The following AHCY variants were observed in gnomAD, a reference collection of about 807,000 sequenced individuals.
AHCY encodes the protein adenosylhomocysteinase.
A neutral mutation model predicts 45.4 loss-of-function variants in AHCY; 24 were observed. The observed-to-expected ratio is 0.53, with a 90% CI of 0.38 to 0.74. The LOEUF is 0.74. AHCY is among the 30% of genes least tolerant of loss of function. AHCY has a pLI of 0.00. For missense variants in AHCY, 449 were observed against 594.1 expected (o/e 0.76, Z 2.54); for synonymous variants, 245 against 235.1 (o/e 1.04, Z -0.39).
At chr20:34,285,367 TCTGG>T in intron 9 of AHCY, 69 bp downstream of exon 9, 2 of 1,567,174 alleles carry the variant, frequency 1.3e-6, no homozygotes, top group Non-Finnish European at 1.8e-6. Context: ...CTTTATAAAC[TCTGG>T]CAAGCCCTGT....
chr20:34,232,138 T>C, the AHCY span, among the ~76,000 whole-genome samples: 1 of 152,242 alleles, frequency 6.6e-6, no homozygotes, highest in Non-Finnish European at 1.5e-5. Context: ...AGCACTGAGT[T>C]TGGGGAACCC....
chr20:34,265,493 C>T, the AHCY span, among the ~76,000 whole-genome samples: 4 of 151,810 alleles, frequency 2.6e-5, no homozygotes, highest in Non-Finnish European at 5.9e-5. Context: ...CACTGCACTC[C>T]AGCCTGGGCA....
At chr20:34,287,867 T>C (rs1156467659) in intron 8 of AHCY, among the ~76,000 whole-genome samples, 1 of 151,984 alleles carries the variant, frequency 6.6e-6, no homozygotes, top group African/African-American at 2.4e-5. Flanking sequence ...GGACAAGAGA[T>C]AATGTTGGGC....
the AHCY span, among the ~76,000 whole-genome samples, chr20:34,264,117 C>T: frequency 6.6e-6 from 1 of 152,164 alleles, no homozygotes; most frequent in East Asian, 1.9e-4. Context: ...TTATCACTTG[C>T]TATCATACAA....
rs1157512708 is a variant in AHCY, at chr20:34,292,418, G to C, written c.385C>G (p.Leu129Val). 1.9e-6 allele frequency: 3 copies of C among 1,614,002 alleles called. No individual in the cohort carries two copies. The Admixed American group carries it at 5.0e-5, about 27-fold the overall frequency. ...YFKDGPLNMI[L>V]DDGGDLTNLI... ...TTGGTGAGGTCGCCCCCGTCGTCCA[G>C]AATCATGTTGAGGGGCCCGTCCTTG... Residue 129 changes from leucine to valine, a missense_variant, in exon 4 of 10, where the codon CTG (leucine) becomes GTG (valine). Leu to Val is a conservative substitution (Grantham distance 32). Coordinates refer to ENST00000217426, the MANE Select transcript of AHCY (RefSeq NM_000687.4).
At chr20:34,234,960 T>G in the AHCY span, 1 of 152,258 alleles carries the variant, frequency 6.6e-6, no homozygotes. Context: ...GTTGTTTTTT[T>G]CATCATAGCT....
chr20:34,238,208 TAATC>T, the AHCY span, among the ~76,000 whole-genome samples: 1 of 152,210 alleles, frequency 6.6e-6, no homozygotes, highest in Non-Finnish European at 1.5e-5. Context: ...TTGGAAGTCT[TAATC>T]AATGTTTCTT....
At chr20:34,269,574 G>A in the AHCY span, among the ~76,000 whole-genome samples, 1 of 151,972 alleles carries the variant, frequency 6.6e-6, no homozygotes, top group African/African-American at 2.4e-5. Flanking sequence ...GACCAGCCAG[G>A]AAGAAAGGAA....
At chr20:34,277,214 G>A (rs547799172), downstream of AHCY, among the ~76,000 whole-genome samples, 1 of 152,194 alleles carries the variant, frequency 6.6e-6, no homozygotes, top group East Asian at 1.9e-4. Flanking sequence ...GTGGGCATGG[G>A]GCTTGGTGTG....
At chr20:34,282,785 G>A (rs2036045645) in intron 9 of AHCY, among the ~76,000 whole-genome samples, 1 of 152,114 alleles carries the variant, frequency 6.6e-6, no homozygotes, top group South Asian at 2.1e-4. Context: ...AACCGAGGAG[G>A]ACAGAGGCAA....
Position 34,280,991 on chromosome 20 carries a change from T to G in AHCY, c.*43A>C. Reference sequence around the variant, plus strand: ...GCTCTTAGGGAGGAGAGGTGGGGCCTGGGCAAGGACAGCAGCTGGAGGGTG... The same window carrying G: ...GCTCTTAGGGAGGAGAGGTGGGGCCGGGGCAAGGACAGCAGCTGGAGGGTG... On this transcript the variant is annotated 3_prime_UTR_variant, in exon 10 of 10. Transcript: ENST00000217426. 6.2e-7 allele frequency: 1 copy of G among 1,613,026 alleles called. No homozygotes were observed.
chr20:34,242,188 A>T, the AHCY span, among the ~76,000 whole-genome samples: 1 of 151,492 alleles, frequency 6.6e-6, no homozygotes, highest in Non-Finnish European at 1.5e-5. Context: ...TTTCCTTTTT[A>T]AAATTTTTAT....
downstream of AHCY, among the ~76,000 whole-genome samples, chr20:34,275,383 C>T (rs1004149312): frequency 3.9e-5 from 6 of 151,940 alleles, no homozygotes; most frequent in Non-Finnish European, 7.4e-5. Flanking sequence ...CTGCCTGCCT[C>T]GGCCTCCCAA....
At position 34,303,174 on chromosome 20, in the gene AHCY, G is replaced by A. The variant is rs1277751888; in HGVS notation, c.28+69C>T. 8 of 1,547,784 alleles carry A rather than the reference G, an allele frequency of 5.2e-6. No homozygotes were observed. The East Asian group carries it at 2.0e-4, about 38-fold the overall frequency. The stretch of plus-strand genomic sequence containing the variant: ...CAGAGAGCCCCGAGTCGGCCCTGCA[G>A]CCCCCGCCACGAACAAGCCCCGGGC... On this transcript the variant is annotated intron_variant, in intron 1 of 9. Transcript: ENST00000217426.
At chr20:34,238,562 G>GT in the AHCY span, among the ~76,000 whole-genome samples, 8 of 151,616 alleles carry the variant, frequency 5.3e-5, no homozygotes, top group Non-Finnish European at 7.4e-5. Flanking sequence ...GCTTGTACTT[G>GT]TTTTTTTCAC....
At chr20:34,260,238 C>G in the AHCY span, 5 of 921,814 alleles carry the variant, frequency 5.4e-6, no homozygotes, top group Non-Finnish European at 8.1e-6. Context: ...TGCTAATCCT[C>G]CAGCTCCACC....
At chr20:34,303,460 G>A (rs2036852455), upstream of AHCY, 2 of 809,154 alleles carry the variant, frequency 2.5e-6, no homozygotes, top group South Asian at 1.7e-5. Context: ...AGGGGATTTC[G>A]ATCCCTGAAA....
At chr20:34,291,164 T>C (rs999770039) in intron 5 of AHCY, among the ~76,000 whole-genome samples, 1 of 152,234 alleles carries the variant, frequency 6.6e-6, no homozygotes, top group South Asian at 2.1e-4. Flanking sequence ...TTCCTAGGCA[T>C]CAGTTACTAG....
the AHCY span, among the ~76,000 whole-genome samples, chr20:34,261,170 A>G: frequency 1.3e-5 from 2 of 152,318 alleles, no homozygotes; most frequent in Non-Finnish European, 2.9e-5. Context: ...CTCAAAACTA[A>G]TATCTCTTAC....
Sources: allele counts gnomAD v4.1 joint callset (sites outside exome capture counted in the v4.1 genomes callset), GRCh38; gene constraint gnomAD v4.1.1; transcripts MANE v1.5; gene names NCBI Gene and HGNC (gene_info 2026-07-23, HGNC 2026-07-21).